AVEN: variants seen among roughly 807,000 people sequenced by gnomAD.
AVEN encodes cell death regulator Aven.
Under a neutral mutation model 38.1 loss-of-function variants are expected in AVEN, and 41 were observed. The observed-to-expected ratio is 1.08, with a 90% confidence interval of 0.84 to 1.40. The LOEUF is 1.40. AVEN is among the 40% of genes most tolerant of loss of function. AVEN has a pLI of 0.00. For synonymous variants in AVEN, 206 were observed against 171.8 expected (o/e 1.20, Z -1.56); for missense variants, 605 against 438.8 (o/e 1.38, Z -3.38).
At chr15:33,974,738 C>T (rs949228395) in intron 2 of AVEN, among the ~76,000 whole-genome samples, 1 of 152,096 alleles carries the variant, frequency 6.6e-6, no homozygotes, top group Non-Finnish European at 1.5e-5. Context: ...TTTGGGAGGC[C>T]GAGGCAGGTG....
intron 2 of AVEN, among the ~76,000 whole-genome samples, chr15:33,894,617 C>T (rs1463878975): frequency 1.4e-5 from 2 of 144,840 alleles, no homozygotes; most frequent in Non-Finnish European, 3.0e-5. Flanking sequence ...CAAGACTAAC[C>T]TGGGCAACAC....
At chr15:34,010,289 C>T (rs140846776) in intron 1 of AVEN, among the ~76,000 whole-genome samples, 2,166 of 152,120 alleles carry the variant, frequency 0.014, 36 homozygotes, top group Non-Finnish European at 0.019. Context: ...ATTTGGACAA[C>T]CTTATTCATT....
chr15:33,988,781 C>T (rs1034741446), intron 2 of AVEN, among the ~76,000 whole-genome samples: 1 of 152,234 alleles, frequency 6.6e-6, no homozygotes, highest in African/African-American at 2.4e-5. Flanking sequence ...AATGACCTTG[C>T]TCTATCCCAT....
At chr15:33,956,945 G>A (rs908350551) in intron 2 of AVEN, among the ~76,000 whole-genome samples, 1 of 152,026 alleles carries the variant, frequency 6.6e-6, no homozygotes, top group Non-Finnish European at 1.5e-5. Flanking sequence ...AAATGTTCGG[G>A]AGTTTTTTTT....
intron 1 of AVEN, among the ~76,000 whole-genome samples, chr15:34,016,582 A>T (rs946486128): frequency 1.3e-5 from 2 of 152,210 alleles, no homozygotes; most frequent in Non-Finnish European, 2.9e-5. Context: ...ATCTTTAAAA[A>T]ATATTACCAA....
intron 2 of AVEN, among the ~76,000 whole-genome samples, chr15:33,892,851 G>A (rs77822198): frequency 0.82 from 124,631 of 152,050 alleles, 55,164 homozygotes; most frequent in Non-Finnish European, 0.98. Context: ...CTTCCTACCC[G>A]TGGGCATGGA....
intron 2 of AVEN, among the ~76,000 whole-genome samples, chr15:33,894,036 A>C (rs1597202959): frequency 6.9e-6 from 1 of 145,208 alleles, no homozygotes; most frequent in Non-Finnish European, 1.5e-5. Flanking sequence ...TGCAACCTCC[A>C]CCTCCTGGGC....
intron 2 of AVEN, among the ~76,000 whole-genome samples, chr15:33,951,591 C>A (rs1469017122): frequency 1.3e-5 from 2 of 151,186 alleles, no homozygotes; most frequent in Admixed American, 1.3e-4. Flanking sequence ...AATTTGCCAT[C>A]CAAAAAAAAA....
In AVEN at chr15:33,895,728, T is replaced by C. The variant is rs573933133; in HGVS notation, c.446-19733A>G. Among the ~76,000 whole-genome samples the C allele has an allele frequency of 6.6e-5, 10 of 152,264 alleles. No homozygotes were observed. The East Asian group carries it at 1.4e-3, about 21-fold the overall frequency. On this transcript the variant is annotated intron_variant, in intron 2 of 5. Coordinates refer to ENST00000306730, the MANE Select transcript of AVEN (RefSeq NM_020371.3). ...GGCCCCACCAACTCCACCAGATAAA[T>C]AGAACAACCCATTATCTGTATTATA... is the stretch of plus-strand genomic sequence containing the variant.
chr15:33,986,826 G>T (rs1896495873), intron 2 of AVEN, among the ~76,000 whole-genome samples: 2 of 151,038 alleles, frequency 1.3e-5, no homozygotes, highest in South Asian at 2.1e-4. Flanking sequence ...CCAGCTAATT[G>T]TTTTGTATTT....
intron 2 of AVEN, among the ~76,000 whole-genome samples, chr15:33,977,465 T>C (rs960957257): frequency 6.6e-6 from 1 of 152,158 alleles, no homozygotes; most frequent in African/African-American, 2.4e-5. Flanking sequence ...TTTCAAACCT[T>C]GACATTCTCT....
chr15:33,899,458 ACCTTTTTT>A (rs1327700499), intron 2 of AVEN, among the ~76,000 whole-genome samples: 4 of 89,886 alleles, frequency 4.5e-5, no homozygotes, highest in Non-Finnish European at 9.0e-5. Context: ...TTCAGGGAAA[ACCTTTTTT>A]TTTTTTTTTT....
downstream of AVEN, chr15:33,864,028 G>GTAGA (rs1442715249): frequency 1.4e-5 from 10 of 713,172 alleles, no homozygotes; most frequent in East Asian, 2.2e-4. Context: ...TTAAGTCACT[G>GTAGA]TAGATAGCGT....
In AVEN at chr15:34,038,977, G is replaced by A; in HGVS notation, c.70C>T (p.Arg24Cys). 3 of 1,113,018 alleles carry A rather than the reference G, an allele frequency of 2.7e-6. No individual in the cohort carries two copies. The highest frequency in any genetic ancestry group is 3.3e-6 in the Non-Finnish European group (3 of 914,980). The allele number at this position is 1,113,018 out of a possible 1,614,324, so 68.9% of individuals were successfully genotyped here. ...GCGGCTCCGGGCCGCTCGCTGTGGC[G>A]ATCTCCGCCAGGCCGGCCGCGGCCT... The part of the protein sequence containing the change: ...RPGRGRPGGD[R>C]HSERPGAAAA... The change falls in exon 1 of 6, where the codon CGC becomes TGC. Residue 24 changes from arginine (R) to cysteine (C), a missense_variant. Physicochemically the swap from Arg to Cys is radical, Grantham distance 180 (BLOSUM62 -3). Transcript: ENST00000306730.
intron 1 of AVEN, among the ~76,000 whole-genome samples, chr15:34,016,105 C>A (rs568455962): frequency 6.1e-4 from 93 of 152,244 alleles, no homozygotes; most frequent in African/African-American, 2.1e-3. Flanking sequence ...GGAGAAACCC[C>A]GTCTCTACTA....
At chr15:33,926,525 G>A (rs1394453683) in intron 2 of AVEN, among the ~76,000 whole-genome samples, 5 of 152,124 alleles carry the variant, frequency 3.3e-5, no homozygotes, top group African/African-American at 1.2e-4. Context: ...TAAAATGAAA[G>A]TAAGATTAGG....
chr15:33,859,650 G>A, intron 11 of AVEN: 1 of 1,613,976 alleles, frequency 6.2e-7, no homozygotes, highest in Non-Finnish European at 8.5e-7. Context: ...CCCTGCTGGT[G>A]ATCCTTATGA....
At chr15:33,872,874 G>A (rs1891040992) in intron 3 of AVEN, among the ~76,000 whole-genome samples, 1 of 151,946 alleles carries the variant, frequency 6.6e-6, no homozygotes, top group Non-Finnish European at 1.5e-5. Context: ...CGACACCCCT[G>A]TGGTCATGGA....
chr15:33,863,943 G>T (rs1480356012), downstream of AVEN, among the ~76,000 whole-genome samples: 1 of 152,138 alleles, frequency 6.6e-6, no homozygotes, highest in African/African-American at 2.4e-5. Context: ...TCACAAAGTG[G>T]CTAATTTTGA....
Sources: allele counts gnomAD v4.1 joint callset (sites outside exome capture counted in the v4.1 genomes callset), GRCh38; gene constraint gnomAD v4.1.1; transcripts MANE v1.5; gene names NCBI Gene and HGNC (gene_info 2026-07-23, HGNC 2026-07-21).